RPL35A: variants seen among roughly 807,000 people sequenced by gnomAD.
RPL35A encodes the protein ribosomal protein L35a.
Under a neutral mutation model 16.7 loss-of-function variants are expected in RPL35A, and 1 was observed. That is an observed-to-expected ratio of 0.06 (90% CI 0.02 to 0.28). The LOEUF is 0.28. Among genes scored for constraint, RPL35A ranks in the 10% least tolerant of loss-of-function variants. RPL35A has a pLI of 1.00. For synonymous variants in RPL35A, 58 were observed against 47.0 expected, an observed-to-expected ratio of 1.23 and a Z score of -0.96; for missense variants, 91 against 138.7, an observed-to-expected ratio of 0.66 and a Z score of 1.73.
In RPL35A at chr3:197,951,243, T is replaced by A; in HGVS notation, c.96T>A (p.Gly32=). The A allele has an allele frequency of 1.2e-6, 2 of 1,614,184 alleles. No individual in the cohort carries two copies. Among genetic ancestry groups the A allele is most frequent in the Middle Eastern group, 1.7e-4 (1 of 6,058 alleles). Reference sequence around the variant, plus strand: ...ACACAGCTCTTCTTAAAATTGAAGGTGTTTACGCCCGAGATGAAACAGAAT... The same window carrying A: ...ACACAGCTCTTCTTAAAATTGAAGGAGTTTACGCCCGAGATGAAACAGAAT... ...REHTALLKIE[G]VYARDETEFY... is the part of the protein sequence containing the mutation. The change falls in exon 3 of 5, where the codon GGT becomes GGA. Residue 32 remains glycine (G), a synonymous_variant. Transcript: ENST00000647248.
chr3:197,953,361 A>T, intron 3 of RPL35A: 1 of 444,978 alleles, frequency 2.2e-6, no homozygotes, highest in African/African-American at 2.0e-5. Flanking sequence ...GGGTGACAAG[A>T]CAACCCCGTG....
chr3:197,950,929 T>C lies in RPL35A; in HGVS notation c.-32-7T>C. 1.2e-6 allele frequency: 2 copies of C among 1,614,012 alleles called. No individual in the cohort carries two copies. Among genetic ancestry groups the C allele is most frequent in the Non-Finnish European group, 1.7e-6 (2 of 1,179,868 alleles). On this transcript the variant is annotated splice_region_variant and splice_polypyrimidine_tract_variant and intron_variant, in intron 1 of 4. Coordinates refer to ENST00000647248, the MANE Select transcript of RPL35A (RefSeq NM_000996.4). ...GGTTTTAAACTAATCTTTTTGTTTG[T>C]TTTAAGGCCTGCTGGGAACGGGACT...
At chr3:197,952,261 C>G (rs371033142) in intron 3 of RPL35A, among the ~76,000 whole-genome samples, 22 of 150,130 alleles carry the variant, frequency 1.5e-4, no homozygotes, top group East Asian at 9.9e-4. Flanking sequence ...CCTCCGCCTC[C>G]CGGGTTCAAG....
At chr3:197,953,630 T>C (rs1277043253) in intron 3 of RPL35A, 10 of 456,152 alleles carry the variant, frequency 2.2e-5, no homozygotes, top group Non-Finnish European at 4.0e-5. Context: ...GTCACCTCAG[T>C]GAGACCTTCC....
chr3:197,952,238 C>T (rs578050913), intron 3 of RPL35A, among the ~76,000 whole-genome samples: 227 of 121,700 alleles, frequency 1.9e-3, no homozygotes, highest in African/African-American at 5.7e-3. Context: ...AGCACAATAT[C>T]GGCTCACCGC....
intron 1 of RPL35A, 52 bp downstream of exon 1, chr3:197,950,273 T>A (rs1489936936): frequency 8.1e-7 from 1 of 1,230,400 alleles, no homozygotes; most frequent in Non-Finnish European, 1.0e-6. Flanking sequence ...CGGAGTAGGT[T>A]TGTTCCTGTG....
rs748252532 is a variant in RPL35A at position 197,955,800 on chromosome 3, T to C, written c.*27T>C. The C allele has an allele frequency of 1.9e-6, 3 of 1,571,328 alleles. No homozygotes were observed. Among genetic ancestry groups the C allele is most frequent in the Non-Finnish European group, 1.7e-6 (2 of 1,143,080 alleles). The stretch of plus-strand genomic sequence containing the variant: ...CTAACGAAAAATCAATAAATAAATG[T>C]GGATTTGTGCTCTTGTATTTTTAAG... On this transcript the variant is annotated 3_prime_UTR_variant, in exon 5 of 5. Coordinates refer to ENST00000647248, the MANE Select transcript of RPL35A (RefSeq NM_000996.4).
intron 3 of RPL35A, 85 bp downstream of exon 3, chr3:197,951,396 G>T (rs1360930925): frequency 6.9e-7 from 1 of 1,452,312 alleles, no homozygotes; most frequent in African/African-American, 1.4e-5. Flanking sequence ...CTCTGTTGCC[G>T]AGGCTGGAAT....
In RPL35A at chr3:197,956,016, T is replaced by A; in HGVS notation, c.*243T>A. The stretch of plus-strand genomic sequence containing the variant: ...CAGAGTCTTGCTCTGTTGCCCATGC[T>A]GGAGTGTAGTGGTGCTCGCTGCAGC... On this transcript the variant is annotated 3_prime_UTR_variant, in exon 5 of 5. Transcript: ENST00000647248. The A allele has an allele frequency of 2.0e-6, 1 of 501,080 alleles. No homozygotes were observed. The highest frequency in any genetic ancestry group is 3.6e-6 in the Non-Finnish European group (1 of 274,768). The allele number at this position is 501,080 out of a possible 1,614,324, so 31.0% of individuals were successfully genotyped here.
At chr3:197,954,201 GTGT>G (rs1720351741) in intron 4 of RPL35A, 54 bp downstream of exon 4, 2 of 1,599,710 alleles carry the variant, frequency 1.3e-6, no homozygotes, top group Non-Finnish European at 8.6e-7. Flanking sequence ...TAGGTTCAAG[GTGT>G]TGTGCTTTGA....
chr3:197,955,648 T>C, intron 4 of RPL35A, 102 bp from the exon 5 acceptor site: 1 of 1,040,686 alleles, frequency 9.6e-7, no homozygotes, highest in South Asian at 1.3e-5. Context: ...CACTAGAACA[T>C]GTAATTGGTA....
intron 1 of RPL35A, chr3:197,950,573 T>C (rs1581095795): frequency 3.0e-6 from 1 of 335,924 alleles, no homozygotes; most frequent in Non-Finnish European, 5.4e-6. Flanking sequence ...TCAGCTTTTC[T>C]CCCCCAGCCA....
At position 197,951,260 on chromosome 3, in the gene RPL35A, A is replaced by G. The variant is rs1401148284; in HGVS notation, c.113A>G (p.Glu38Gly). ...LKIEGVYARD[E>G]TEFYLGKRCA... ...ATTGAAGGTGTTTACGCCCGAGATG[A>G]AACAGAATTCTATTTGGGCAAGAGA... The change falls in exon 3 of 5, where the codon GAA becomes GGA. Residue 38 changes from glutamate (E) to glycine (G), a missense_variant. Transcript: ENST00000647248. 24 of 1,614,070 alleles carry G rather than the reference A, an allele frequency of 1.5e-5. No individual in the cohort carries two copies. In the East Asian group the frequency reaches 5.3e-4, roughly 36 times the overall value.
rs956629670 is a variant in RPL35A at position 197,950,190 on chromosome 3, C to T, written c.-64C>T. ...CAAGGCCACGCGGCGGGGCCTCGTCCTTCTCTTACCGCCATCTTGGCTCCT... is the reference window on the plus strand; with the variant it reads ...CAAGGCCACGCGGCGGGGCCTCGTCTTTCTCTTACCGCCATCTTGGCTCCT... On this transcript the variant is annotated 5_prime_UTR_variant, in exon 1 of 5. Transcript: ENST00000647248. 35 of 1,231,598 alleles carry T rather than the reference C, an allele frequency of 2.8e-5. No homozygotes were observed. The East Asian group carries it at 5.7e-4, about 20-fold the overall frequency. 76.3% of individuals were successfully genotyped at this position (1,231,598 alleles called of 1,614,324 possible).
chr3:197,955,678 G>T lies in RPL35A; in HGVS notation c.310-72G>T, dbSNP rs145696999. On this transcript the variant is annotated intron_variant, in intron 4 of 4. Transcript: ENST00000647248. ...TTGGTAGCCTTTCAGAGATTTATCCGTATTACGGTTCTTGATTTGTAGACG... is the reference window on the plus strand; with the variant it reads ...TTGGTAGCCTTTCAGAGATTTATCCTTATTACGGTTCTTGATTTGTAGACG... The T allele has an allele frequency of 2.3e-6, 3 of 1,279,684 alleles. No individual in the cohort carries two copies. The South Asian group carries it at 3.6e-5, about 15-fold the overall frequency. The allele number at this position is 1,279,684 out of a possible 1,614,324, so 79.3% of individuals were successfully genotyped here.
At chr3:197,955,634 T>G in intron 4 of RPL35A, 116 bp from the exon 5 acceptor site, 1 of 948,960 alleles carries the variant, frequency 1.1e-6, no homozygotes, top group South Asian at 1.3e-5. Context: ...AAAACTTTCC[T>G]TACCACTAGA....
chr3:197,950,611 C>G, intron 1 of RPL35A: 1 of 399,946 alleles, frequency 2.5e-6, no homozygotes, highest in East Asian at 4.7e-5. Flanking sequence ...GTGTGTGTTT[C>G]TCTTTAAGGC....
At chr3:197,950,639 G>A (rs1021082495) in intron 1 of RPL35A, 3 of 465,138 alleles carry the variant, frequency 6.4e-6, no homozygotes, top group African/African-American at 3.9e-5. Flanking sequence ...CTTTTCCTGA[G>A]TGTTGCCTAC....
At position 197,956,254 on chromosome 3, in the gene RPL35A, A is replaced by G. The variant is rs925399762; in HGVS notation, c.*481A>G. Reference sequence around the variant, plus strand: ...CAGTTATGAGCCACCACACCTGCCAAGTGCTTTGTGATACTATGCATTTGT... The same window carrying G: ...CAGTTATGAGCCACCACACCTGCCAGGTGCTTTGTGATACTATGCATTTGT... On this transcript the variant is annotated 3_prime_UTR_variant, in exon 5 of 5. Transcript: ENST00000647248. 5.5e-6 allele frequency: 1 copy of G among 181,858 alleles called. No homozygotes were observed. Among genetic ancestry groups the G allele is most frequent in the African/African-American group, 2.4e-5 (1 of 42,478 alleles). The allele number at this position is 181,858 out of a possible 1,614,324, so 11.3% of individuals were successfully genotyped here. A position where few individuals can be genotyped will look rare whatever the true frequency, so the allele number is the denominator to read the frequency against.
Sources: gnomAD v4.1 joint callset for allele counts (sites outside exome capture counted in the v4.1 genomes callset) on GRCh38, gnomAD v4.1.1 for gene constraint, MANE v1.5 for transcripts, NCBI Gene and HGNC (gene_info 2026-07-23, HGNC 2026-07-21) for gene names.